The following IFNLR1 variants were observed in gnomAD, a reference collection of about 807,000 sequenced individuals.
IFNLR1 encodes the protein interferon lambda receptor 1.
IFNLR1 carries 28 observed loss-of-function variants against 52.5 expected under a neutral mutation model. The ratio of observed to expected loss-of-function variants is 0.53; its 90% CI spans 0.40 to 0.73. The LOEUF (loss-of-function observed/expected upper bound fraction) is 0.73, where lower values mean the gene tolerates loss of function less well. Ranked by LOEUF, IFNLR1 falls within the 30% of genes least tolerant of loss-of-function variation. IFNLR1 has a pLI of 0.00. For synonymous variants in IFNLR1, 276 were observed against 274.9 expected (o/e 1.00, Z -0.04); for missense variants, 623 against 659.1 (o/e 0.95, Z 0.60).
At chr1:24,169,793 A>G (rs1644560126) in intron 2 of IFNLR1, among the ~76,000 whole-genome samples, 192 bp from the exon 3 acceptor site, 1 of 152,208 alleles carries the variant, frequency 6.6e-6, no homozygotes. Context: ...AGCCAGATGG[A>G]TGGGAGTGGG....
intron 3 of IFNLR1, among the ~76,000 whole-genome samples, chr1:24,165,059 A>G (rs1644504746): frequency 6.6e-6 from 1 of 152,128 alleles, no homozygotes; most frequent in Non-Finnish European, 1.5e-5. Context: ...CACTGTGCCC[A>G]GCTACAATCT....
At chr1:24,160,887 C>A (rs1644435327) in intron 4 of IFNLR1, among the ~76,000 whole-genome samples, 1 of 151,730 alleles carries the variant, frequency 6.6e-6, no homozygotes, top group African/African-American at 2.4e-5. Context: ...ATCACCACAC[C>A]CAGCTTTTTT....
At chr1:24,167,637 G>A (rs902514156) in intron 3 of IFNLR1, among the ~76,000 whole-genome samples, 4 of 151,830 alleles carry the variant, frequency 2.6e-5, no homozygotes, top group Admixed American at 6.6e-5. Context: ...CATCCGCCTC[G>A]GCCTCCCAAA....
chr1:24,180,022 C>T (rs184986907), intron 2 of IFNLR1, among the ~76,000 whole-genome samples: 1 of 152,130 alleles, frequency 6.6e-6, no homozygotes, highest in Non-Finnish European at 1.5e-5. Context: ...TTTGGCCAAG[C>T]GCGGTGGCTT....
At chr1:24,159,743 TTTTTTTG>T in intron 4 of IFNLR1, 110 bp from the exon 5 acceptor site, 1 of 936,450 alleles carries the variant, frequency 1.1e-6, no homozygotes, top group Non-Finnish European at 1.6e-6. Context: ...TTTTGTTTTT[TTTTTTTG>T]TTTTTTTGTA....
rs1461421434 is a variant in IFNLR1, at chr1:24,187,238, G to A, written c.11C>T (p.Pro4Leu). 1.9e-5 allele frequency: 24 copies of A among 1,282,528 alleles called. No individual in the cohort carries two copies. The highest frequency in any genetic ancestry group is 2.4e-5 in the Non-Finnish European group (24 of 1,014,500). The allele number at this position is 1,282,528 out of a possible 1,614,324, so 79.4% of individuals were successfully genotyped here. MAG[P>L]ERWGPLLLCL... ...CAGGAGCAGGGGGCCCCAGCGCTCGGGCCCCGCCATGGCCTTCCTGCCGCG... is the reference window on the plus strand; with the variant it reads ...CAGGAGCAGGGGGCCCCAGCGCTCGAGCCCCGCCATGGCCTTCCTGCCGCG... Residue 4 changes from proline (P) to leucine (L), a missense_variant, in exon 1 of 7, where the codon CCC (proline) becomes CTC (leucine). Physicochemically the swap from Pro to Leu is moderately conservative, Grantham distance 98. Transcript: ENST00000327535.
chr1:24,162,831 T>TTTCTTTCTTTCTTTCTTTC lies in IFNLR1; in HGVS notation c.368-1148_368-1147insGAAAGAAAGAAAGAAAGAA. Among the ~76,000 whole-genome samples, 2 of 33,858 alleles carry TTTCTTTCTTTCTTTCTTTC rather than the reference T, an allele frequency of 5.9e-5. 1 individual carries two copies. The highest frequency in any genetic ancestry group is 1.8e-3 in the East Asian group (2 of 1,086). The allele number at this position is 33,858 out of a possible 152,430, so 22.2% of individuals were successfully genotyped here. ...TCTTTCTTTTTTTCTTCTTTCTTTC[T>TTTCTTTCTTTCTTTCTTTC]TTTCTTTCTTTCTTTCTTTCTTTCT... On this transcript the variant is annotated intron_variant, in intron 3 of 6. Coordinates refer to ENST00000327535, the MANE Select transcript of IFNLR1 (RefSeq NM_170743.4).
At chr1:24,184,746 T>C (rs1172803184) in intron 1 of IFNLR1, among the ~76,000 whole-genome samples, 1 of 152,154 alleles carries the variant, frequency 6.6e-6, no homozygotes, top group Non-Finnish European at 1.5e-5. Flanking sequence ...AGGCCGGGCA[T>C]GGTAACTCAC....
intron 2 of IFNLR1, among the ~76,000 whole-genome samples, chr1:24,173,835 AG>A (rs34212240): frequency 0.3 from 45,786 of 151,914 alleles, 7,508 homozygotes; most frequent in Middle Eastern, 0.47. Flanking sequence ...TTTTTTGTAA[AG>A]ATGGGGTCTC....
chr1:24,175,108 G>C (rs1644618988), intron 2 of IFNLR1, among the ~76,000 whole-genome samples: 1 of 152,258 alleles, frequency 6.6e-6, no homozygotes, highest in African/African-American at 2.4e-5. Flanking sequence ...AGGGACAAGA[G>C]CTGGAGCTAT....
At chr1:24,186,935 C>CT (rs1644745074) in intron 1 of IFNLR1, among the ~76,000 whole-genome samples, 1 of 152,348 alleles carries the variant, frequency 6.6e-6, no homozygotes, top group East Asian at 1.9e-4. Flanking sequence ...CTGCCGCTGT[C>CT]TTTTTTCTCC....
rs1293563190 is a variant in IFNLR1 at position 24,156,523 on chromosome 1, C to G, written c.*607G>C. 6.6e-6 allele frequency: 1 copy of G among 152,374 alleles called. No homozygotes were observed. The highest frequency in any genetic ancestry group is 2.4e-5 in the African/African-American group (1 of 41,446). 9.4% of individuals were successfully genotyped at this position (152,374 alleles called of 1,614,324 possible). A position where few individuals can be genotyped will look rare whatever the true frequency, so the allele number is the denominator to read the frequency against. On this transcript the variant is annotated 3_prime_UTR_variant, in exon 7 of 7. Transcript: ENST00000327535. ...TGAACAGCAGAGCTGGGATTTGAAC[C>G]CCGGTCTGTCTGACACTAAAACCGT...
At chr1:24,161,086 C>T (rs1008906147) in intron 4 of IFNLR1, among the ~76,000 whole-genome samples, 8 of 152,182 alleles carry the variant, frequency 5.3e-5, no homozygotes, top group African/African-American at 1.9e-4. Context: ...GCTACGGCTC[C>T]TTTTGTGCTA....
chr1:24,165,968 A>G (rs75884190), intron 3 of IFNLR1, among the ~76,000 whole-genome samples: 33,184 of 152,108 alleles, frequency 0.22, 3,951 homozygotes, highest in East Asian at 0.5. Flanking sequence ...GGCAGGAAGG[A>G]TCACCCTGGC....
intron 6 of IFNLR1, 113 bp from the exon 7 acceptor site, chr1:24,158,004 G>T: frequency 9.7e-7 from 1 of 1,029,878 alleles, no homozygotes; most frequent in Non-Finnish European, 1.4e-6. Context: ...AGTGTAAGCA[G>T]TTTCTTTGGG....
chr1:24,169,677 A>G, intron 2 of IFNLR1, 76 bp from the exon 3 acceptor site: 1 of 1,449,254 alleles, frequency 6.9e-7, no homozygotes, highest in Non-Finnish European at 9.4e-7. Context: ...ACAGTTGATC[A>G]TGCTTCCCTC....
chr1:24,174,133 T>G (rs930599479), intron 2 of IFNLR1, among the ~76,000 whole-genome samples: 14 of 151,968 alleles, frequency 9.2e-5, no homozygotes, highest in Non-Finnish European at 1.9e-4. Context: ...GATACCAGAG[T>G]GAACACACAC....
At chr1:24,166,994 T>G (rs367823102) in intron 3 of IFNLR1, among the ~76,000 whole-genome samples, 7 of 152,320 alleles carry the variant, frequency 4.6e-5, no homozygotes, top group South Asian at 2.1e-4. Context: ...AACATTTTAA[T>G]CGGCAGATTT....
chr1:24,175,950 AG>A (rs1381804483), intron 2 of IFNLR1, among the ~76,000 whole-genome samples: 68 of 134,440 alleles, frequency 5.1e-4, no homozygotes, highest in Admixed American at 2.3e-3. Flanking sequence ...AAAAAAAAAA[AG>A]AGAGTTTTGG....
Sources: gnomAD v4.1 joint callset for allele counts (sites outside exome capture counted in the v4.1 genomes callset) on GRCh38, gnomAD v4.1.1 for gene constraint, MANE v1.5 for transcripts, NCBI Gene and HGNC (gene_info 2026-07-23, HGNC 2026-07-21) for gene names.